Variants in CRISPLD2 observed in about 807,000 individuals in gnomAD.
CRISPLD2 encodes the protein cysteine rich secretory protein LCCL domain containing 2.
In CRISPLD2, 47 loss-of-function variants were observed where a neutral mutation model predicts 71.1. The observed-to-expected ratio is 0.66, with a 90% CI of 0.52 to 0.84. The LOEUF is 0.84. Ranked by LOEUF, CRISPLD2 falls within the 40% of genes least tolerant of loss-of-function variation. The pLI is 0.00. For missense variants in CRISPLD2, 830 were observed against 651.1 expected (o/e 1.27, Z -2.99); for synonymous variants, 317 against 250.1 (o/e 1.27, Z -2.52).
rs117804434 is a variant in CRISPLD2, at chr16:84,825,305, G to A, written c.-75+5172G>A. Among the ~76,000 whole-genome samples, 1,311 of 152,298 alleles carry A rather than the reference G, an allele frequency of 8.6e-3. 13 individuals are homozygous for A. Among genetic ancestry groups the A allele is most frequent in the Non-Finnish European group, 0.013 (913 of 68,034 alleles). On this transcript the variant is annotated intron_variant, in intron 1 of 14. Coordinates refer to ENST00000262424, the MANE Select transcript of CRISPLD2 (RefSeq NM_031476.4). The stretch of plus-strand genomic sequence containing the variant: ...CAGCCAGGCGCCGTGGCTCATGCCT[G>A]TAACCTTAACACTTTGGGAGGTCTA...
intron 11 of CRISPLD2, among the ~76,000 whole-genome samples, chr16:84,874,496 A>T (rs1451366459): frequency 2.0e-5 from 3 of 152,168 alleles, no homozygotes; most frequent in African/African-American, 7.2e-5. Context: ...GCACACTCCA[A>T]CCAGAAGTGA....
At chr16:84,864,373 C>G (rs1028683447) in intron 6 of CRISPLD2, among the ~76,000 whole-genome samples, 1 of 152,124 alleles carries the variant, frequency 6.6e-6, no homozygotes, top group African/African-American at 2.4e-5. Context: ...ACCGCTTTAC[C>G]AAACTGTCTT....
At chr16:84,831,333 A>G (rs915684012) in intron 1 of CRISPLD2, among the ~76,000 whole-genome samples, 2 of 152,202 alleles carry the variant, frequency 1.3e-5, no homozygotes, top group Non-Finnish European at 2.9e-5. Flanking sequence ...TGCTCAAGGT[A>G]TATACAGAGC....
intron 6 of CRISPLD2, among the ~76,000 whole-genome samples, chr16:84,858,859 C>G (rs763080240): frequency 1.3e-5 from 2 of 152,166 alleles, no homozygotes; most frequent in Non-Finnish European, 2.9e-5. Flanking sequence ...TTAATTTGCT[C>G]AAGCAATGAA....
chr16:84,907,033 T>C lies in CRISPLD2; in HGVS notation c.*391T>C, dbSNP rs1045507176. 1 of 245,070 alleles carries C rather than the reference T, an allele frequency of 4.1e-6. No homozygotes were observed. The highest frequency in any genetic ancestry group is 8.0e-6 in the Non-Finnish European group (1 of 124,576). 15.2% of individuals were successfully genotyped at this position (245,070 alleles called of 1,614,324 possible). ...GAACAAACCATTTGAAGCTCACAAT[T>C]GTGAAGCATTCACGGCGTCGGAAGA... On this transcript the variant is annotated 3_prime_UTR_variant, in exon 15 of 15. Transcript: ENST00000262424.
intron 6 of CRISPLD2, among the ~76,000 whole-genome samples, chr16:84,857,869 C>G (rs761639335): frequency 3.3e-5 from 5 of 152,190 alleles, no homozygotes; most frequent in African/African-American, 4.8e-5. Context: ...TGCTTGAGCT[C>G]AATCACACAT....
chr16:84,873,000 C>T lies in CRISPLD2; in HGVS notation c.990C>T (p.Ser330=), dbSNP rs1481107486. 6 of 1,612,558 alleles carry T rather than the reference C, an allele frequency of 3.7e-6. No individual in the cohort carries two copies. The highest frequency in any genetic ancestry group is 4.2e-6 in the Non-Finnish European group (5 of 1,179,444). Residue 330 remains serine, a synonymous_variant, in exon 10 of 15, where the codon AGC becomes AGT. Coordinates refer to ENST00000262424, the MANE Select transcript of CRISPLD2 (RefSeq NM_031476.4). ...TCTTCCCTTCCCGCCAGTCGTCTAG[C>T]ATATGCCGCGCCGCCATCCACTACG... ...FGTLFYESSS[S]ICRAAIHYGI...
rs114621418 is a variant in CRISPLD2 at position 84,864,674 on chromosome 16, G to A, written c.710-2223G>A. On this transcript the variant is annotated intron_variant, in intron 6 of 14. Transcript: ENST00000262424. ...CTTTAGGTGACAGGATTCTCTGGGG[G>A]TTTTGGTAGTTCATGCATTTGTGAA... Among the ~76,000 whole-genome samples, 489 of 152,336 alleles carry A rather than the reference G, an allele frequency of 3.2e-3. 6 individuals carry two copies. The highest frequency in any genetic ancestry group is 0.011 in the African/African-American group (471 of 41,570).
At position 84,907,734 on chromosome 16, in the gene CRISPLD2, G is replaced by C. The variant is rs2071816950; in HGVS notation, c.*1092G>C. 1 of 152,258 alleles carries C rather than the reference G, an allele frequency of 6.6e-6. No homozygotes were observed. The highest frequency in any genetic ancestry group is 1.5e-5 in the Non-Finnish European group (1 of 68,076). The allele number at this position is 152,258 out of a possible 1,614,324, so 9.4% of individuals were successfully genotyped here. On this transcript the variant is annotated 3_prime_UTR_variant, in exon 15 of 15. Transcript: ENST00000262424. ...GGTACATTCCTCACCGAGGTTAGCA[G>C]CTCAGTTTGTGGTTATGAAACCGTC...
At chr16:84,833,454 G>C (rs897825888) in intron 1 of CRISPLD2, among the ~76,000 whole-genome samples, 9 of 152,220 alleles carry the variant, frequency 5.9e-5, no homozygotes, top group African/African-American at 2.2e-4. Flanking sequence ...TTATCAATGA[G>C]TGGCTGAGTG....
At chr16:84,866,677 C>G (rs927388230) in intron 6 of CRISPLD2, among the ~76,000 whole-genome samples, 1 of 152,154 alleles carries the variant, frequency 6.6e-6, no homozygotes, top group African/African-American at 2.4e-5. Context: ...GGGTCCAAAG[C>G]AAACACAGTG....
At chr16:84,870,846 G>A (rs192397330) in intron 8 of CRISPLD2, among the ~76,000 whole-genome samples, 14 of 151,852 alleles carry the variant, frequency 9.2e-5, no homozygotes, top group Admixed American at 2.6e-4. Context: ...ATCACTTAAG[G>A]CCAAGAGTTT....
At chr16:84,840,410 G>A (rs1916738681) in intron 2 of CRISPLD2, among the ~76,000 whole-genome samples, 1 of 152,228 alleles carries the variant, frequency 6.6e-6, no homozygotes, top group Non-Finnish European at 1.5e-5. Flanking sequence ...AAACCACACA[G>A]CTACAAATGT....
intron 2 of CRISPLD2, 94 bp from the exon 3 acceptor site, chr16:84,845,692 C>T: frequency 3.5e-6 from 3 of 853,606 alleles, no homozygotes; most frequent in Non-Finnish European, 5.7e-6. Flanking sequence ...CTGTAGGCTC[C>T]ACAGGAGCCC....
At chr16:84,903,523 C>T (rs1307054870) in intron 14 of CRISPLD2, among the ~76,000 whole-genome samples, 1 of 148,768 alleles carries the variant, frequency 6.7e-6, no homozygotes, top group African/African-American at 2.5e-5. Context: ...ACCTGGGAGG[C>T]GGCGGTTGCA....
intron 6 of CRISPLD2, among the ~76,000 whole-genome samples, chr16:84,865,657 C>G (rs1917516419): frequency 6.6e-6 from 1 of 152,088 alleles, no homozygotes; most frequent in African/African-American, 2.4e-5. Context: ...TTAAGTGTCC[C>G]CAGCAGATAT....
chr16:84,851,185 G>A (rs1917079578), intron 5 of CRISPLD2, among the ~76,000 whole-genome samples: 1 of 152,218 alleles, frequency 6.6e-6, no homozygotes. Context: ...AAAACATGCA[G>A]TAGACAGCAC....
In CRISPLD2 at chr16:84,906,462, C is replaced by A; in HGVS notation, c.1440-126C>A. 4.5e-6 allele frequency: 4 copies of A among 891,380 alleles called. No individual in the cohort carries two copies. The South Asian group carries it at 4.7e-5, about 10-fold the overall frequency. The allele number at this position is 891,380 out of a possible 1,614,324, so 55.2% of individuals were successfully genotyped here. A position where few individuals can be genotyped will look rare whatever the true frequency, so the allele number is the denominator to read the frequency against. On this transcript the variant is annotated intron_variant, in intron 14 of 14. Transcript: ENST00000262424. ...TGTCTGGCGGCTTCAAGGAAGTGTC[C>A]CTTGGCCATGGCTCTTCCACTACGG...
intron 1 of CRISPLD2, among the ~76,000 whole-genome samples, chr16:84,837,129 C>T (rs780447902): frequency 1.3e-5 from 2 of 152,212 alleles, no homozygotes; most frequent in African/African-American, 2.4e-5. Flanking sequence ...CTCTCCCCTG[C>T]GAGGAAAGCA....
Sources: allele counts gnomAD v4.1 joint callset (sites outside exome capture counted in the v4.1 genomes callset), GRCh38; gene constraint gnomAD v4.1.1; transcripts MANE v1.5; gene names NCBI Gene and HGNC (gene_info 2026-07-23, HGNC 2026-07-21).